The following FRMPD1 variants were observed in gnomAD, a reference collection of about 807,000 sequenced individuals.
FRMPD1 encodes the protein FERM and PDZ domain-containing protein 1.
Under a neutral mutation model 117.8 loss-of-function variants are expected in FRMPD1, and 76 were observed. The ratio of observed to expected loss-of-function variants is 0.65; its 90% CI spans 0.54 to 0.78. FRMPD1 has a LOEUF of 0.78. Ranked by LOEUF, FRMPD1 falls within the 30% of genes least tolerant of loss-of-function variation. The pLI is 0.00. For synonymous variants in FRMPD1, 783 were observed against 770.4 expected (o/e 1.02, Z -0.27); for missense variants, 1,786 against 1,964.5 (o/e 0.91, Z 1.72).
the FRMPD1 span, among the ~76,000 whole-genome samples, chr9:37,639,915 C>A: frequency 0.15 from 22,509 of 152,046 alleles, 1,807 homozygotes; most frequent in African/African-American, 0.2. Flanking sequence ...TAAAATTTTA[C>A]TTGAATGAGT....
chr9:37,677,110 C>G (rs1246351675), intron 1 of FRMPD1, among the ~76,000 whole-genome samples: 1 of 152,178 alleles, frequency 6.6e-6, no homozygotes, highest in Non-Finnish European at 1.5e-5. Flanking sequence ...AATGCAGAGT[C>G]TAGGGGCCCG....
chr9:37,668,894 A>T (rs1482961992), intron 1 of FRMPD1, among the ~76,000 whole-genome samples: 3 of 152,244 alleles, frequency 2.0e-5, no homozygotes, highest in Admixed American at 6.5e-5. Context: ...TTATATATAA[A>T]TAAGATAATC....
At chr9:37,646,823 A>G (rs1312482824), upstream of FRMPD1, among the ~76,000 whole-genome samples, 1 of 152,216 alleles carries the variant, frequency 6.6e-6, no homozygotes, top group Non-Finnish European at 1.5e-5. Context: ...GAAATTGTAT[A>G]GAAAAGCACT....
the FRMPD1 span, among the ~76,000 whole-genome samples, chr9:37,615,406 G>A: frequency 4.6e-5 from 7 of 151,912 alleles, no homozygotes; most frequent in Admixed American, 1.3e-4. Context: ...CCACTGCACC[G>A]GTCTATAGCA....
At chr9:37,684,579 A>T (rs533616795) in intron 1 of FRMPD1, among the ~76,000 whole-genome samples, 8 of 152,264 alleles carry the variant, frequency 5.3e-5, no homozygotes, top group African/African-American at 1.9e-4. Context: ...AAGAGTAAGG[A>T]GACTGGCTGG....
At chr9:37,738,609 G>A (rs1395630964) in intron 14 of FRMPD1, among the ~76,000 whole-genome samples, 1 of 152,186 alleles carries the variant, frequency 6.6e-6, no homozygotes, top group Non-Finnish European at 1.5e-5. Context: ...AAAGTGCTGA[G>A]ATTACAGGCA....
chr9:37,611,801 T>G, the FRMPD1 span, among the ~76,000 whole-genome samples: 1 of 152,238 alleles, frequency 6.6e-6, no homozygotes, highest in Non-Finnish European at 1.5e-5. Context: ...AATGCAGAGC[T>G]TGGCATACAG....
Position 37,737,014 on chromosome 9 carries a change from T to C in FRMPD1, c.1402-82T>C, listed in dbSNP as rs1393554542. On this transcript the variant is annotated intron_variant, in intron 13 of 15. Coordinates refer to ENST00000377765, the MANE Select transcript of FRMPD1 (RefSeq NM_014907.3). ...GGCCGGATTTACCTGGAATCTCTCG[T>C]TGGTCCCACATGGCTTTGTTGTCAG... 2.9e-6 allele frequency: 3 copies of C among 1,035,554 alleles called. No individual in the cohort carries two copies. In the African/African-American group the frequency reaches 4.8e-5, roughly 17 times the overall value. 64.1% of individuals were successfully genotyped at this position (1,035,554 alleles called of 1,614,324 possible).
At position 37,744,982 on chromosome 9, in the gene FRMPD1, G is replaced by A; in HGVS notation, c.2950G>A (p.Ala984Thr). Residue 984 changes from alanine (A) to threonine (T), a missense_variant, in exon 16 of 16, where the codon GCA becomes ACA. By Grantham distance (58) the Ala-to-Thr change is moderately conservative (BLOSUM62 0). Transcript: ENST00000377765. Reference sequence around the variant, plus strand: ...TTCATCTGGCCCAGATACTGCTCAGGCAAGGCCTTCCCAAATCTTACCTCT... The same window carrying A: ...TTCATCTGGCCCAGATACTGCTCAGACAAGGCCTTCCCAAATCTTACCTCT... ...PGSSGPDTAQ[A>T]RPSQILPLSQ... 6.2e-7 allele frequency: 1 copy of A among 1,614,188 alleles called. No individual in the cohort carries two copies. The highest frequency in any genetic ancestry group is 2.2e-5 in the East Asian group (1 of 44,880).
At chr9:37,610,476 A>AAC in the FRMPD1 span, among the ~76,000 whole-genome samples, 1 of 151,814 alleles carries the variant, frequency 6.6e-6, no homozygotes, top group African/African-American at 2.4e-5. Context: ...TCTGTCAAAA[A>AAC]AACAACAACA....
chr9:37,722,244 G>C (rs1012255722), intron 6 of FRMPD1, among the ~76,000 whole-genome samples: 1 of 151,920 alleles, frequency 6.6e-6, no homozygotes. Context: ...AGGAGACAGA[G>C]GCTGCAGTGA....
chr9:37,619,616 G>A, the FRMPD1 span, among the ~76,000 whole-genome samples: 1 of 152,004 alleles, frequency 6.6e-6, no homozygotes, highest in Non-Finnish European at 1.5e-5. Flanking sequence ...AAATTAGACA[G>A]GTGTGGTTGT....
At chr9:37,742,575 A>G (rs56686584) in intron 15 of FRMPD1, among the ~76,000 whole-genome samples, 32,532 of 152,096 alleles carry the variant, frequency 0.21, 3,682 homozygotes, top group African/African-American at 0.29. Context: ...GTGACTGGGC[A>G]TCAGAATCAC....
rs1417425370 is a variant in FRMPD1, at chr9:37,733,550, T to C, written c.1073T>C (p.Ile358Thr). 5 of 1,613,828 alleles carry C rather than the reference T, an allele frequency of 3.1e-6. No homozygotes were observed. Among genetic ancestry groups the C allele is most frequent in the East Asian group, 2.2e-5 (1 of 44,904 alleles). ...AAAGGCAAAGACATCAAGAAAGCCA[T>C]TAGCTTCCACATGAAGAGGAACCAG... is the stretch of plus-strand genomic sequence containing the variant. ...NMKGKDIKKAISFHMKRNQNL... is the reference protein window; with the variant it reads ...NMKGKDIKKATSFHMKRNQNL... Residue 358 changes from isoleucine to threonine, a missense_variant, in exon 11 of 16, where the codon ATT (isoleucine) becomes ACT (threonine). Ile to Thr is a moderately conservative substitution (Grantham distance 89, BLOSUM62 -1). Transcript: ENST00000377765.
At chr9:37,744,016 C>T (rs1252464423) in intron 15 of FRMPD1, among the ~76,000 whole-genome samples, 1 of 151,958 alleles carries the variant, frequency 6.6e-6, no homozygotes, top group Non-Finnish European at 1.5e-5. Context: ...TGGTGAAACC[C>T]CATCTCTACT....
the FRMPD1 span, among the ~76,000 whole-genome samples, chr9:37,636,063 C>T: frequency 1.3e-5 from 2 of 152,180 alleles, no homozygotes; most frequent in African/African-American, 4.8e-5. Flanking sequence ...AGACACAGGC[C>T]CAGCGCCGCT....
At chr9:37,655,586 C>G (rs974356465) in intron 1 of FRMPD1, among the ~76,000 whole-genome samples, 2 of 149,024 alleles carry the variant, frequency 1.3e-5, no homozygotes, top group African/African-American at 5.0e-5. Flanking sequence ...TCACTGCAAC[C>G]TCTGCCTCCC....
upstream of FRMPD1, among the ~76,000 whole-genome samples, chr9:37,649,643 T>A (rs998340434): frequency 6.6e-6 from 1 of 152,118 alleles, no homozygotes; most frequent in African/African-American, 2.4e-5. Context: ...CTGCTAGTCT[T>A]CCCCCACCGC....
chr9:37,659,921 AAAAAAAAAAAAAAC>A (rs1820948335), intron 1 of FRMPD1, among the ~76,000 whole-genome samples: 1 of 149,856 alleles, frequency 6.7e-6, no homozygotes, highest in Admixed American at 6.6e-5. Context: ...GCACTAAAAA[AAAAAAAAAAAAAAC>A]AAAACTGAGG....
Sources: gnomAD v4.1 joint callset for allele counts (sites outside exome capture counted in the v4.1 genomes callset) on GRCh38, gnomAD v4.1.1 for gene constraint, MANE v1.5 for transcripts, NCBI Gene and HGNC (gene_info 2026-07-23, HGNC 2026-07-21) for gene names.